The following SFXN5 variants were observed in gnomAD, a reference collection of about 807,000 sequenced individuals.
SFXN5 encodes the protein sideroflexin-5.
A neutral mutation model predicts 50.2 loss-of-function variants in SFXN5; 43 were observed. The ratio of observed to expected loss-of-function variants is 0.86; its 90% CI spans 0.67 to 1.11. The LOEUF (loss-of-function observed/expected upper bound fraction) is 1.11. SFXN5 is among the 50% of genes least tolerant of loss of function. The probability of loss-of-function intolerance (pLI) is 0.00; values close to 1 mark genes in which losing one functional copy is unlikely to be tolerated. For missense variants in SFXN5, 463 were observed against 454.1 expected, an observed-to-expected ratio of 1.02 and a Z score of -0.18; for synonymous variants, 203 against 185.8, an observed-to-expected ratio of 1.09 and a Z score of -0.75.
intron 1 of SFXN5, among the ~76,000 whole-genome samples, chr2:73,065,409 T>G (rs1683100993): frequency 6.7e-6 from 1 of 149,774 alleles, no homozygotes; most frequent in Non-Finnish European, 1.5e-5. Flanking sequence ...GACAACAATT[T>G]TTTTTTTTGA....
chr2:72,972,371 G>A (rs939071055), intron 10 of SFXN5, among the ~76,000 whole-genome samples: 37 of 152,254 alleles, frequency 2.4e-4, no homozygotes, highest in African/African-American at 7.5e-4. Flanking sequence ...CAGGAGCAGC[G>A]GGCTGAGTTA....
chr2:72,971,687 T>C lies in SFXN5; in HGVS notation c.626-2A>G. 1 of 1,611,738 alleles carries C rather than the reference T, an allele frequency of 6.2e-7. No homozygotes were observed. Among genetic ancestry groups the C allele is most frequent in the Non-Finnish European group, 8.5e-7 (1 of 1,177,970 alleles). On this transcript the variant is annotated splice_acceptor_variant, in intron 10 of 13. Transcript: ENST00000272433. LOFTEE classifies it high-confidence loss of function. ...CCACATTGCAGATATTGGCACTGGCTGCAGAGAGAGGGGATGCAGAGAGCA... is the reference window on the plus strand; with the variant it reads ...CCACATTGCAGATATTGGCACTGGCCGCAGAGAGAGGGGATGCAGAGAGCA...
chr2:73,032,170 G>C (rs1678390635), intron 3 of SFXN5, among the ~76,000 whole-genome samples: 4 of 152,164 alleles, frequency 2.6e-5, no homozygotes, highest in Admixed American at 6.5e-5. Flanking sequence ...GATCATCCTA[G>C]GGTGTCAAGA....
intron 7 of SFXN5, 138 bp from the exon 8 acceptor site, chr2:73,000,625 GGTCAGCATGA>G (rs967954918): frequency 1.3e-6 from 1 of 797,222 alleles, no homozygotes; most frequent in African/African-American, 1.7e-5. Flanking sequence ...CCATGCTGCC[GGTCAGCATGA>G]CTGACCGTCC....
At chr2:73,036,332 G>C (rs1678974556) in intron 3 of SFXN5, among the ~76,000 whole-genome samples, 1 of 152,186 alleles carries the variant, frequency 6.6e-6, no homozygotes, top group Admixed American at 6.5e-5. Context: ...AGCTGGTGCT[G>C]GGGGAGCCAG....
intron 2 of SFXN5, among the ~76,000 whole-genome samples, chr2:73,055,193 C>T (rs72920447): frequency 0.064 from 9,687 of 152,342 alleles, 855 homozygotes; most frequent in African/African-American, 0.2. Flanking sequence ...GTGCTGCCCA[C>T]GTGACGGCCA....
rs1167103035 is a variant in SFXN5, at chr2:73,047,245, A to AATATAT, written c.172-6320_172-6315dup. 1.3e-3 allele frequency among the ~76,000 whole-genome samples: 24 copies of AATATAT among 18,922 alleles called. 2 individuals carry two copies. The highest frequency in any genetic ancestry group is 6.8e-3 in the South Asian group (2 of 294). 12.4% of individuals were successfully genotyped at this position (18,922 alleles called of 152,430 possible). ...AAAAAAAAAAAAAAAAAAAAAAAAAAATATATATATATATATATATATATA... is the reference window on the plus strand; with the variant it reads ...AAAAAAAAAAAAAAAAAAAAAAAAAAATATATATATATATATATATATATATATATA... On this transcript the variant is annotated intron_variant, in intron 2 of 13. Coordinates refer to ENST00000272433, the MANE Select transcript of SFXN5 (RefSeq NM_144579.3).
intron 10 of SFXN5, among the ~76,000 whole-genome samples, chr2:72,987,109 T>G (rs1276638171): frequency 6.6e-6 from 1 of 152,090 alleles, no homozygotes; most frequent in Non-Finnish European, 1.5e-5. Flanking sequence ...AGATGTTTTT[T>G]GGGGTTTTTT....
At chr2:73,020,022 G>A (rs1392400003) in intron 6 of SFXN5, 16 of 526,420 alleles carry the variant, frequency 3.0e-5, no homozygotes, top group South Asian at 1.5e-4. Context: ...TCAACTCAAC[G>A]CTGGATTTAA....
At chr2:72,954,652 C>G (rs1358875219) in intron 13 of SFXN5, among the ~76,000 whole-genome samples, 1 of 152,198 alleles carries the variant, frequency 6.6e-6, no homozygotes, top group Non-Finnish European at 1.5e-5. Flanking sequence ...CCCCAGCCCC[C>G]ACAGCTGCAG....
chr2:73,009,520 G>C lies in SFXN5; in HGVS notation c.358-7942C>G, dbSNP rs1185740679. Among the ~76,000 whole-genome samples, 2 of 152,232 alleles carry C rather than the reference G, an allele frequency of 1.3e-5. 1 individual carries two copies. Among genetic ancestry groups the C allele is most frequent in the African/African-American group, 4.8e-5 (2 of 41,466 alleles). ...CTCAGGATACAGATATCTGGGGCTA[G>C]GAAGTGGGGATAGGTGAGCATTGTC... On this transcript the variant is annotated intron_variant, in intron 6 of 13. Transcript: ENST00000272433.
chr2:72,968,392 T>C (rs1189928069), intron 12 of SFXN5, 56 bp downstream of exon 12: 15 of 1,081,608 alleles, frequency 1.4e-5, no homozygotes, highest in East Asian at 2.9e-5. Context: ...CGGTTCCCCC[T>C]CCCTCTCCCC....
chr2:73,065,128 G>T (rs962156219), intron 1 of SFXN5, among the ~76,000 whole-genome samples: 1 of 151,818 alleles, frequency 6.6e-6, no homozygotes, highest in African/African-American at 2.4e-5. Flanking sequence ...CTGAGACAGG[G>T]TCTCACTCTG....
chr2:73,019,130 TAAC>T (rs1221730136), intron 6 of SFXN5, among the ~76,000 whole-genome samples: 3 of 152,166 alleles, frequency 2.0e-5, no homozygotes, highest in Admixed American at 6.5e-5. Flanking sequence ...ATGTTACAGA[TAAC>T]AATATGAACA....
Position 72,960,583 on chromosome 2 carries a change from C to T in SFXN5, c.945+548G>A, listed in dbSNP as rs1446326070. Among the ~76,000 whole-genome samples the T allele has an allele frequency of 6.6e-6, 1 of 152,140 alleles. No homozygotes were observed. Among genetic ancestry groups the T allele is most frequent in the Non-Finnish European group, 1.5e-5 (1 of 68,026 alleles). Reference sequence around the variant, plus strand: ...TCAGAATCAGGCATCTGTGGTCTGCCCTGCACAGCCCTTAGGAGGACATTC... The same window carrying T: ...TCAGAATCAGGCATCTGTGGTCTGCTCTGCACAGCCCTTAGGAGGACATTC... On this transcript the variant is annotated intron_variant, in intron 13 of 13. Transcript: ENST00000272433. The surrounding 1 kb of genome is among the most constrained non-coding windows in gnomAD (Gnocchi z 6.1).
chr2:73,069,359 G>C (rs984224570), intron 1 of SFXN5, among the ~76,000 whole-genome samples: 1 of 152,120 alleles, frequency 6.6e-6, no homozygotes, highest in African/African-American at 2.4e-5. Flanking sequence ...CTGTGTAAGA[G>C]GTAAGATCAC....
chr2:73,052,939 AG>A (rs1681570585), intron 2 of SFXN5, among the ~76,000 whole-genome samples: 1 of 152,256 alleles, frequency 6.6e-6, no homozygotes, highest in African/African-American at 2.4e-5. Context: ...GCACTCTGGG[AG>A]GCCAAGGCGG....
chr2:73,051,256 A>ATTT (rs1160914961), intron 2 of SFXN5, among the ~76,000 whole-genome samples: 3 of 58,946 alleles, frequency 5.1e-5, no homozygotes, highest in Non-Finnish European at 8.4e-5. Context: ...TTTTTCCAGC[A>ATTT]CTTTTTTTTT....
At chr2:72,995,465 G>C (rs1176461022) in intron 9 of SFXN5, among the ~76,000 whole-genome samples, 1 of 152,164 alleles carries the variant, frequency 6.6e-6, no homozygotes, top group Non-Finnish European at 1.5e-5. Context: ...GGGGATCCCT[G>C]ACTCCAGGGT....
Sources: gnomAD v4.1 joint callset for allele counts (sites outside exome capture counted in the v4.1 genomes callset) on GRCh38, gnomAD v4.1.1 for gene constraint, Gnocchi (gnomAD v3.1) non-coding constraint, MANE v1.5 for transcripts, NCBI Gene and HGNC (gene_info 2026-07-23, HGNC 2026-07-21) for gene names.